The following ADH7 variants were observed in gnomAD, a reference collection of about 807,000 sequenced individuals.
ADH7 encodes the protein alcohol dehydrogenase 7 (class IV), mu or sigma polypeptide.
A neutral mutation model predicts 34.4 loss-of-function variants in ADH7; 41 were observed. The observed-to-expected ratio is 1.19, with a 90% CI of 0.93 to 1.55. The LOEUF is 1.55. Ranked by LOEUF, ADH7 falls within the 40% of genes most tolerant of loss-of-function variation. ADH7 has a pLI of 0.00. For synonymous variants in ADH7, 180 were observed against 160.9 expected (o/e 1.12, Z -0.90); for missense variants, 540 against 461.2 (o/e 1.17, Z -1.56).
intron 1 of ADH7, among the ~76,000 whole-genome samples, chr4:99,430,951 C>T (rs186908224): frequency 1.2e-4 from 18 of 152,178 alleles, no homozygotes; most frequent in African/African-American, 4.1e-4. Flanking sequence ...TGTGTGCCAC[C>T]ACGCCCAGCT....
intron 5 of ADH7, among the ~76,000 whole-genome samples, chr4:99,427,198 T>C (rs1721829836): frequency 6.6e-6 from 1 of 152,146 alleles, no homozygotes; most frequent in African/African-American, 2.4e-5. Context: ...GAAATCAGTT[T>C]TGGTGAACAG....
chr4:99,435,254 G>A lies in ADH7; in HGVS notation c.-21C>T, dbSNP rs143995089. Reference sequence around the variant, plus strand: ...CCCATCCTGTCTTTGTCTTGGATCTGTATTTCTGCAAACATAGACTTTTTC... The same window carrying A: ...CCCATCCTGTCTTTGTCTTGGATCTATATTTCTGCAAACATAGACTTTTTC... On this transcript the variant is annotated 5_prime_UTR_variant, in exon 1 of 9. The change creates a premature stop within an existing upstream ORF in the 5' untranslated region. Coordinates refer to ENST00000437033, the MANE Select transcript of ADH7 (RefSeq NM_000673.7). 1.2e-5 allele frequency: 20 copies of A among 1,613,242 alleles called. No individual in the cohort carries two copies. In the African/African-American group the frequency reaches 2.1e-4, roughly 17 times the overall value.
chr4:99,421,712 G>A (rs555816863), intron 5 of ADH7, among the ~76,000 whole-genome samples: 1 of 152,230 alleles, frequency 6.6e-6, no homozygotes, highest in East Asian at 1.9e-4. Context: ...GAGTGAACAG[G>A]CAACCTACAG....
At chr4:99,413,804 G>T (rs761677855) in intron 8 of ADH7, among the ~76,000 whole-genome samples, 1 of 152,144 alleles carries the variant, frequency 6.6e-6, no homozygotes, top group Admixed American at 6.6e-5. Context: ...ATGAGATGAG[G>T]GATTCTGAAG....
intron 2 of ADH7, among the ~76,000 whole-genome samples, 177 bp downstream of exon 2, chr4:99,429,355 A>T (rs891915894): frequency 2.0e-4 from 31 of 152,382 alleles, no homozygotes; most frequent in African/African-American, 7.2e-4. Flanking sequence ...TAATGAACTC[A>T]TTAATTTCAC....
intron 5 of ADH7, among the ~76,000 whole-genome samples, chr4:99,425,400 G>C (rs556299460): frequency 6.6e-6 from 1 of 151,810 alleles, no homozygotes; most frequent in Admixed American, 6.6e-5. Flanking sequence ...AAAAGGCAGG[G>C]GTTGCAATCC....
intron 6 of ADH7, among the ~76,000 whole-genome samples, chr4:99,419,722 G>C (rs1433699605): frequency 1.3e-5 from 2 of 152,068 alleles, no homozygotes; most frequent in Non-Finnish European, 2.9e-5. Context: ...GATATATCCA[G>C]TATCACATAT....
At chr4:99,424,421 C>T (rs1207125066) in intron 5 of ADH7, among the ~76,000 whole-genome samples, 1 of 152,112 alleles carries the variant, frequency 6.6e-6, no homozygotes, top group Non-Finnish European at 1.5e-5. Flanking sequence ...TGAAGAAAGT[C>T]ATTGGTAGCT....
At chr4:99,426,011 T>C (rs975022574) in intron 5 of ADH7, among the ~76,000 whole-genome samples, 5 of 151,874 alleles carry the variant, frequency 3.3e-5, no homozygotes, top group African/African-American at 9.7e-5. Flanking sequence ...TTGAAACCAA[T>C]GAAAACAAAT....
At chr4:99,434,133 T>C (rs1721996897) in intron 1 of ADH7, among the ~76,000 whole-genome samples, 1 of 152,182 alleles carries the variant, frequency 6.6e-6, no homozygotes, top group Non-Finnish European at 1.5e-5. Flanking sequence ...TCATCAGAAA[T>C]GTTCTTACAG....
At chr4:99,416,988 G>C (rs1490523243) in intron 7 of ADH7, among the ~76,000 whole-genome samples, 1 of 151,948 alleles carries the variant, frequency 6.6e-6, no homozygotes, top group Non-Finnish European at 1.5e-5. Flanking sequence ...TAACTATTTC[G>C]GCAAATTTTG....
At chr4:99,425,772 C>T (rs1297332583) in intron 5 of ADH7, among the ~76,000 whole-genome samples, 1 of 152,166 alleles carries the variant, frequency 6.6e-6, no homozygotes, top group African/African-American at 2.4e-5. Context: ...TTCAGCACCA[C>T]ACCACACCTA....
In ADH7 at chr4:99,428,072, ATGAC is replaced by A. The variant is rs1721853007; in HGVS notation, c.347+11_347+14del. Reference sequence around the variant, plus strand: ...AAAATGTAAATACATTAAAGTAAAAATGACTGAAACCTACTCGCTCCTAATGCAA... The same window carrying A: ...AAAATGTAAATACATTAAAGTAAAAATGAAACCTACTCGCTCCTAATGCAA... On this transcript the variant is annotated intron_variant, in intron 4 of 8. Transcript: ENST00000437033. The A allele has an allele frequency of 6.2e-7, 1 of 1,613,622 alleles. No homozygotes were observed. The highest frequency in any genetic ancestry group is 1.7e-5 in the Admixed American group (1 of 59,938).
chr4:99,419,406 A>G (rs17588761), intron 6 of ADH7, among the ~76,000 whole-genome samples: 3,613 of 152,270 alleles, frequency 0.024, 83 homozygotes, highest in Non-Finnish European at 0.037. Flanking sequence ...TTTCATACCA[A>G]TATCACCACT....
At chr4:99,420,464 C>A (rs2110134765) in intron 6 of ADH7, 69 bp downstream of exon 6, 1 of 1,477,526 alleles carries the variant, frequency 6.8e-7, no homozygotes, top group Non-Finnish European at 9.3e-7. Context: ...AAGTTATAGA[C>A]AATTAAATTT....
intron 7 of ADH7, among the ~76,000 whole-genome samples, chr4:99,416,085 C>G (rs769546923): frequency 2.6e-5 from 4 of 151,970 alleles, no homozygotes; most frequent in Non-Finnish European, 5.9e-5. Context: ...CACTTGTATT[C>G]CAACGTAACG....
intron 7 of ADH7, among the ~76,000 whole-genome samples, chr4:99,417,722 A>G (rs1221465435): frequency 1.3e-5 from 2 of 152,156 alleles, no homozygotes; most frequent in Admixed American, 6.5e-5. Flanking sequence ...TATGTACACA[A>G]TGGTACCTGT....
chr4:99,425,270 C>T (rs1411959110), intron 5 of ADH7, among the ~76,000 whole-genome samples: 1 of 152,028 alleles, frequency 6.6e-6, no homozygotes, highest in South Asian at 2.1e-4. Context: ...CTGGTAAATT[C>T]GATAAACAGT....
At chr4:99,416,489 T>A (rs1057072915) in intron 7 of ADH7, among the ~76,000 whole-genome samples, 3 of 152,276 alleles carry the variant, frequency 2.0e-5, no homozygotes, top group Middle Eastern at 3.4e-3. Flanking sequence ...AAACACTCTG[T>A]TCCCTTAGCT....
Sources: gnomAD v4.1 joint callset for allele counts (sites outside exome capture counted in the v4.1 genomes callset) on GRCh38, gnomAD v4.1.1 for gene constraint, MANE v1.5 for transcripts, NCBI Gene and HGNC (gene_info 2026-07-23, HGNC 2026-07-21) for gene names.